The following BLM variants were observed in gnomAD, a reference collection of about 807,000 sequenced individuals.
BLM encodes the protein BLM RecQ like helicase.
A neutral mutation model predicts 135.3 loss-of-function variants in BLM; 95 were observed. That is an observed-to-expected ratio of 0.70 (90% CI 0.59 to 0.83). The LOEUF is 0.83. BLM is among the 40% of genes least tolerant of loss of function. The pLI is 0.00. For synonymous variants in BLM, 520 were observed against 589.2 expected (o/e 0.88, Z 1.70); for missense variants, 1,518 against 1,663.9 (o/e 0.91, Z 1.53).
intron 19 of BLM, among the ~76,000 whole-genome samples, chr15:90,807,387 G>GT (rs1281140577): frequency 1.1e-4 from 16 of 151,806 alleles, no homozygotes; most frequent in South Asian, 4.2e-4. Context: ...TAGTGCCTGG[G>GT]TTTTTTTTGT....
In BLM at chr15:90,773,095, CAAAAAAAAAAA is replaced by C. The variant is rs780966709; in HGVS notation, c.2555+3523_2555+3533del. On this transcript the variant is annotated intron_variant, in intron 12 of 21. Transcript: ENST00000355112. Reference sequence around the variant, plus strand: ...CTGGGCAACAAGAGCGAGACTGTCTCAAAAAAAAAAAAAAAAAAAAAAAAGATAAAAGCGTA... The same window carrying C: ...CTGGGCAACAAGAGCGAGACTGTCTCAAAAAAAAAAAAAGATAAAAGCGTA... Among the ~76,000 whole-genome samples the C allele has an allele frequency of 1.2e-3, 51 of 43,438 alleles. 1 individual carries two copies. The highest frequency in any genetic ancestry group is 4.8e-3 in the African/African-American group (50 of 10,468). The allele number at this position is 43,438 out of a possible 152,430, so 28.5% of individuals were successfully genotyped here. A position where few individuals can be genotyped will look rare whatever the true frequency, so the allele number is the denominator to read the frequency against.
intron 1 of BLM, among the ~76,000 whole-genome samples, chr15:90,737,358 G>T (rs568296865): frequency 6.6e-6 from 1 of 152,250 alleles, no homozygotes; most frequent in African/African-American, 2.4e-5. Context: ...TCCTAGATCT[G>T]TCTACTAAAA....
chr15:90,726,717 TAACAC>T (rs1276711043), intron 1 of BLM, among the ~76,000 whole-genome samples: 1 of 152,250 alleles, frequency 6.6e-6, no homozygotes, highest in Non-Finnish European at 1.5e-5. Context: ...TTATTCCACT[TAACAC>T]AATGTCCTCA....
rs200051680 is a variant in BLM at position 90,760,792 on chromosome 15, C to T, written c.1419C>T (p.Thr473=). The T allele has an allele frequency of 3.1e-6, 5 of 1,613,938 alleles. No individual in the cohort carries two copies. The African/African-American group carries it at 4.0e-5, about 13-fold the overall frequency. The change falls in exon 7 of 22, where the codon ACC becomes ACT. Residue 473 remains threonine, a synonymous_variant. Coordinates refer to ENST00000355112, the MANE Select transcript of BLM (RefSeq NM_000057.4). ...CTGGGGACTGTTTACTGACTACCAC[C>T]CTAGGAAAGACAGGATTCTCTGCCA... ...VSPGDCLLTT[T]LGKTGFSATR...
chr15:90,718,849 G>A (rs926439228), intron 1 of BLM, among the ~76,000 whole-genome samples: 2 of 152,126 alleles, frequency 1.3e-5, no homozygotes, highest in African/African-American at 2.4e-5. Flanking sequence ...CTACACATCC[G>A]CTTCAGGACA....
rs369564605 is a variant in BLM at position 90,784,708 on chromosome 15, G to A, written c.2663-213G>A. 3.3e-5 allele frequency among the ~76,000 whole-genome samples: 5 copies of A among 151,808 alleles called. No homozygotes were observed. The East Asian group carries it at 5.8e-4, about 18-fold the overall frequency. ...CAGAGTTCATCCAGGTCCACCTCAC[G>A]AGTCATTAGCAGCGACAGGATTAAA... On this transcript the variant is annotated intron_variant, in intron 13 of 21. Coordinates refer to ENST00000355112, the MANE Select transcript of BLM (RefSeq NM_000057.4).
intron 15 of BLM, among the ~76,000 whole-genome samples, chr15:90,793,557 A>G (rs565783232): frequency 2.0e-5 from 3 of 152,268 alleles, no homozygotes; most frequent in Non-Finnish European, 4.4e-5. Context: ...TTTTCTTGAG[A>G]TACTTCTTTT....
Position 90,809,309 on chromosome 15 carries a change from G to A in BLM, c.3874+50G>A, listed in dbSNP as rs764782002. 2.6e-5 allele frequency: 42 copies of A among 1,612,904 alleles called. 1 individual carries two copies. Among genetic ancestry groups the A allele is most frequent in the South Asian group, 3.3e-5 (3 of 90,930 alleles). ...TCTAAAAGCCTGTTTAATGTGAAGC[G>A]ACGCGTCTCACTGAATTAGAAGGAT... is the stretch of plus-strand genomic sequence containing the variant. On this transcript the variant is annotated intron_variant, in intron 20 of 21. Transcript: ENST00000355112.
rs757784182 is a variant in BLM at position 90,749,563 on chromosome 15, A to G, written c.295A>G (p.Thr99Ala). Residue 99 changes from threonine to alanine, a missense_variant, in exon 3 of 22, where the codon ACA (threonine) becomes GCA (alanine). Coordinates refer to ENST00000355112, the MANE Select transcript of BLM (RefSeq NM_000057.4). ...FFKNAPAGQETQRGGSKSLLP... is the reference protein window; with the variant it reads ...FFKNAPAGQEAQRGGSKSLLP... The stretch of plus-strand genomic sequence containing the variant: ...TAAAAATGCTCCAGCAGGACAGGAA[A>G]CACAGAGAGGTGGATCAAAATCATT... The G allele has an allele frequency of 6.2e-7, 1 of 1,614,174 alleles. No individual in the cohort carries two copies. Among genetic ancestry groups the G allele is most frequent in the South Asian group, 1.1e-5 (1 of 91,086 alleles).
rs1219227761 is a variant in BLM, at chr15:90,769,127, G to T, written c.2308-6G>T. The T allele has an allele frequency of 6.3e-7, 1 of 1,591,806 alleles. No individual in the cohort carries two copies. The highest frequency in any genetic ancestry group is 2.2e-5 in the East Asian group (1 of 44,758). The stretch of plus-strand genomic sequence containing the variant: ...TTTTTACATGTCTAATGTATTTCTG[G>T]CCTAGATCTGTGCAAGTAACAGACT... On this transcript the variant is annotated splice_region_variant and splice_polypyrimidine_tract_variant and intron_variant, in intron 10 of 21. Coordinates refer to ENST00000355112, the MANE Select transcript of BLM (RefSeq NM_000057.4).
intron 19 of BLM, among the ~76,000 whole-genome samples, chr15:90,806,489 C>T (rs537644569): frequency 5.4e-4 from 76 of 140,870 alleles, no homozygotes; most frequent in South Asian, 9.1e-4. Flanking sequence ...CCAGCCTGGG[C>T]GACAGAGCGA....
chr15:90,768,540 T>A (rs1896202673), intron 10 of BLM, among the ~76,000 whole-genome samples: 1 of 152,182 alleles, frequency 6.6e-6, no homozygotes, highest in Admixed American at 6.6e-5. Context: ...CTGTTGCCAA[T>A]GTAAATGTAT....
At chr15:90,784,697 G>A (rs1258587902) in intron 13 of BLM, among the ~76,000 whole-genome samples, 1 of 151,388 alleles carries the variant, frequency 6.6e-6, no homozygotes, top group African/African-American at 2.4e-5. Context: ...GTTCATCCAG[G>A]TCCACCTCAC....
intron 14 of BLM, 126 bp downstream of exon 14, chr15:90,785,207 T>TA (rs1896716554): frequency 2.7e-6 from 3 of 1,101,634 alleles, no homozygotes; most frequent in Admixed American, 4.7e-5. Flanking sequence ...GACTGAAATT[T>TA]AAAAAACAGA....
chr15:90,786,702 G>A (rs868526765), intron 14 of BLM, among the ~76,000 whole-genome samples: 1 of 151,766 alleles, frequency 6.6e-6, no homozygotes, highest in African/African-American at 2.4e-5. Context: ...TGGAACTTCC[G>A]CCTCCTGGTT....
intron 21 of BLM, among the ~76,000 whole-genome samples, chr15:90,813,908 C>T (rs1897486696): frequency 6.6e-6 from 1 of 152,234 alleles, no homozygotes; most frequent in Non-Finnish European, 1.5e-5. Flanking sequence ...CAGAACAACA[C>T]ACAATGAACC....
intron 1 of BLM, among the ~76,000 whole-genome samples, chr15:90,727,245 C>G (rs1894942864): frequency 1.3e-5 from 2 of 152,030 alleles, no homozygotes; most frequent in African/African-American, 4.8e-5. Context: ...AACTCCTAGC[C>G]TCAAGCAATC....
chr15:90,761,370 A>G, intron 7 of BLM, 115 bp downstream of exon 7: 2 of 802,120 alleles, frequency 2.5e-6, no homozygotes, highest in Non-Finnish European at 3.5e-6. Flanking sequence ...TGCTATGCAA[A>G]TTTCTACTGA....
intron 20 of BLM, among the ~76,000 whole-genome samples, chr15:90,809,547 A>G (rs1596272142): frequency 6.6e-6 from 1 of 152,324 alleles, no homozygotes; most frequent in East Asian, 1.9e-4. Flanking sequence ...CCTGGGTACC[A>G]GTTCCAGATC....
Sources: allele counts gnomAD v4.1 joint callset (sites outside exome capture counted in the v4.1 genomes callset), GRCh38; gene constraint gnomAD v4.1.1; transcripts MANE v1.5; gene names NCBI Gene and HGNC (gene_info 2026-07-23, HGNC 2026-07-21).